The following PDE4D variants were observed in gnomAD, a reference collection of about 807,000 sequenced individuals.
The protein encoded by PDE4D is 3',5'-cyclic-AMP phosphodiesterase 4D.
In PDE4D, 24 loss-of-function variants were observed where a neutral mutation model predicts 87.4. The observed-to-expected ratio is 0.27, with a 90% confidence interval of 0.20 to 0.39. The LOEUF (loss-of-function observed/expected upper bound fraction) is 0.39. PDE4D is among the 10% of genes least tolerant of loss of function. The pLI, the probability that PDE4D is intolerant of heterozygous loss-of-function variation, is 1.00. For synonymous variants in PDE4D, 384 were observed against 383.2 expected (o/e 1.00, Z -0.02); for missense variants, 714 against 1,041.0 (o/e 0.69, Z 4.32).
intron 1 of PDE4D, among the ~76,000 whole-genome samples, chr5:59,406,695 C>T (rs1253325751): frequency 3.9e-5 from 6 of 152,034 alleles, no homozygotes; most frequent in Admixed American, 1.3e-4. Flanking sequence ...GCAACATCTC[C>T]CTTTTCATCT....
At chr5:59,616,508 A>C (rs1213488878) in intron 1 of PDE4D, among the ~76,000 whole-genome samples, 2 of 152,160 alleles carry the variant, frequency 1.3e-5, no homozygotes, top group Non-Finnish European at 2.9e-5. Flanking sequence ...GCAGTGTTCC[A>C]AATTGGCAAC....
intron 1 of PDE4D, among the ~76,000 whole-genome samples, chr5:60,360,173 G>A (rs765760070): frequency 1.3e-5 from 2 of 152,168 alleles, no homozygotes; most frequent in East Asian, 3.9e-4. Context: ...AGACAGGTGG[G>A]ATTGCTCACA....
intron 5 of PDE4D, among the ~76,000 whole-genome samples, chr5:59,098,003 C>T (rs1326576148): frequency 2.6e-5 from 4 of 152,156 alleles, no homozygotes; most frequent in Non-Finnish European, 4.4e-5. Context: ...TGTGAACTTG[C>T]CATTAACCAA....
At chr5:59,470,918 A>T (rs1002353657) in intron 1 of PDE4D, among the ~76,000 whole-genome samples, 2 of 152,150 alleles carry the variant, frequency 1.3e-5, no homozygotes, top group Non-Finnish European at 2.9e-5. Flanking sequence ...ACTGACCTCA[A>T]AGTTAATATT....
At position 59,609,130 on chromosome 5, in the gene PDE4D, A is replaced by C. The variant is rs73758825; in HGVS notation, c.455+284038T>G. ...TGAGCAATTTACATGATTGAAGATCATATGTAGAGAGATATGTCATAAAAG... is the reference window on the plus strand; with the variant it reads ...TGAGCAATTTACATGATTGAAGATCCTATGTAGAGAGATATGTCATAAAAG... On this transcript the variant is annotated intron_variant, in intron 1 of 14. Coordinates refer to ENST00000340635, the MANE Select transcript of PDE4D (RefSeq NM_001104631.2). Among the ~76,000 whole-genome samples, 1,492 of 152,268 alleles carry C rather than the reference A, an allele frequency of 9.8e-3. 24 individuals carry two copies. Among genetic ancestry groups the C allele is most frequent in the African/African-American group, 0.032 (1,342 of 41,554 alleles).
intron 1 of PDE4D, among the ~76,000 whole-genome samples, chr5:59,249,555 ATAATT>A (rs1581601096): frequency 1.3e-5 from 2 of 152,316 alleles, no homozygotes; most frequent in East Asian, 3.9e-4. Flanking sequence ...TGAATATCCA[ATAATT>A]GGCAAATACA....
At position 59,629,898 on chromosome 5, in the gene PDE4D, T is replaced by G. The variant is rs372090544; in HGVS notation, c.455+263270A>C. ...AGTCTGAGTTAGCATGATCCCTGGG[T>G]CTCAGTGTTTCTTATTATACTCTTT... On this transcript the variant is annotated intron_variant, in intron 1 of 14. Coordinates refer to ENST00000340635, the MANE Select transcript of PDE4D (RefSeq NM_001104631.2). Among the ~76,000 whole-genome samples, 16 of 152,196 alleles carry G rather than the reference T, an allele frequency of 1.1e-4. No homozygotes were observed. In the South Asian group the frequency reaches 3.3e-3, roughly 32 times the overall value.
intron 2 of PDE4D, among the ~76,000 whole-genome samples, chr5:60,106,859 G>C (rs572901952): frequency 1.1e-4 from 16 of 151,738 alleles, no homozygotes; most frequent in Non-Finnish European, 1.9e-4. Flanking sequence ...ATTCAAAGCA[G>C]TGTGTAGAGG....
chr5:59,591,675 C>T (rs1044279441), intron 1 of PDE4D, among the ~76,000 whole-genome samples: 1 of 152,050 alleles, frequency 6.6e-6, no homozygotes, highest in Non-Finnish European at 1.5e-5. Flanking sequence ...GGAAAGTCTC[C>T]ATTCTTTCAA....
chr5:59,669,819 T>C (rs144099823), intron 1 of PDE4D, among the ~76,000 whole-genome samples: 3 of 152,298 alleles, frequency 2.0e-5, no homozygotes, highest in Admixed American at 1.3e-4. Context: ...CTTTCTTCCT[T>C]TTTCACTTGA....
chr5:60,259,253 G>A (rs1749399123), intron 1 of PDE4D, among the ~76,000 whole-genome samples: 1 of 152,056 alleles, frequency 6.6e-6, no homozygotes, highest in South Asian at 2.1e-4. Flanking sequence ...GAACAGCAAA[G>A]TAGAAAAACA....
chr5:59,686,814 A>G (rs1011000076), intron 1 of PDE4D, among the ~76,000 whole-genome samples: 4 of 152,202 alleles, frequency 2.6e-5, no homozygotes, highest in African/African-American at 9.6e-5. Flanking sequence ...TAAGTGAGAA[A>G]GATGATGGAT....
chr5:60,509,890 T>C (rs1750494528), intron 1 of PDE4D, among the ~76,000 whole-genome samples: 1 of 152,192 alleles, frequency 6.6e-6, no homozygotes, highest in Admixed American at 6.5e-5. Flanking sequence ...ACAGGACCTT[T>C]GGGTATGGAG....
intron 1 of PDE4D, among the ~76,000 whole-genome samples, chr5:59,294,010 T>C (rs1301214807): frequency 2.6e-5 from 4 of 152,156 alleles, no homozygotes; most frequent in East Asian, 3.9e-4. Flanking sequence ...TCTGAGAACA[T>C]TTGTCTTCTC....
chr5:60,058,772 G>GA (rs1466296322), intron 2 of PDE4D, among the ~76,000 whole-genome samples: 2 of 151,674 alleles, frequency 1.3e-5, no homozygotes, highest in African/African-American at 2.4e-5. Flanking sequence ...AACATTTTGA[G>GA]AAAAAATTAA....
At chr5:60,351,832 G>T (rs947549480) in intron 1 of PDE4D, among the ~76,000 whole-genome samples, 10 of 140,930 alleles carry the variant, frequency 7.1e-5, no homozygotes, top group Admixed American at 1.4e-4. Flanking sequence ...TAGAGACAGG[G>T]TCTCATTCCA....
intron 1 of PDE4D, among the ~76,000 whole-genome samples, chr5:60,248,647 C>A (rs1021532744): frequency 1.3e-5 from 2 of 152,006 alleles, no homozygotes; most frequent in Non-Finnish European, 2.9e-5. Flanking sequence ...TTCATGACCT[C>A]TCTTATCTTT....
At chr5:59,383,861 T>C (rs1454557876) in intron 1 of PDE4D, among the ~76,000 whole-genome samples, 6 of 152,136 alleles carry the variant, frequency 3.9e-5, no homozygotes, top group African/African-American at 1.4e-4. Flanking sequence ...ATTAAATTTT[T>C]AGCTAGAAGT....
intron 2 of PDE4D, among the ~76,000 whole-genome samples, chr5:59,988,929 C>T (rs1227635041): frequency 1.3e-5 from 2 of 151,798 alleles, no homozygotes; most frequent in African/African-American, 2.4e-5. Flanking sequence ...CCAGGTGTGG[C>T]TTGGTTAAAA....
Sources: gnomAD v4.1 joint callset for allele counts (sites outside exome capture counted in the v4.1 genomes callset) on GRCh38, gnomAD v4.1.1 for gene constraint, MANE v1.5 for transcripts, NCBI Gene and HGNC (gene_info 2026-07-23, HGNC 2026-07-21) for gene names.